NCALD: variants seen among roughly 807,000 people sequenced by gnomAD.
NCALD encodes neurocalcin-delta.
Under a neutral mutation model 18.6 loss-of-function variants are expected in NCALD, and 10 were observed. The ratio of observed to expected loss-of-function variants is 0.54; its 90% CI spans 0.33 to 0.91. The LOEUF (loss-of-function observed/expected upper bound fraction) is 0.91. NCALD is among the 40% of genes least tolerant of loss of function. The pLI, the probability that NCALD is intolerant of heterozygous loss-of-function variation, is 0.03. For synonymous variants in NCALD, 88 were observed against 87.4 expected, an observed-to-expected ratio of 1.01 and a Z score of -0.04; for missense variants, 184 against 247.6, an observed-to-expected ratio of 0.74 and a Z score of 1.72.
intron 4 of NCALD, among the ~76,000 whole-genome samples, chr8:101,834,388 G>C (rs1208994505): frequency 6.6e-6 from 1 of 152,254 alleles, no homozygotes; most frequent in South Asian, 2.1e-4. Context: ...CGTGAAGCTG[G>C]AAACATCTTT....
intron 1 of NCALD, among the ~76,000 whole-genome samples, chr8:102,094,214 T>A (rs950547325): frequency 6.6e-6 from 1 of 152,190 alleles, no homozygotes; most frequent in Non-Finnish European, 1.5e-5. Context: ...TAAATTCTAT[T>A]AAGAATACTA....
chr8:102,073,054 CA>C (rs1308279669), intron 1 of NCALD, among the ~76,000 whole-genome samples: 1 of 152,182 alleles, frequency 6.6e-6, no homozygotes, highest in African/African-American at 2.4e-5. Context: ...ATATTTTCCA[CA>C]ACTTTATTTA....
At chr8:101,743,092 G>A (rs1269183337) in intron 1 of NCALD, among the ~76,000 whole-genome samples, 2 of 152,040 alleles carry the variant, frequency 1.3e-5, no homozygotes, top group Non-Finnish European at 2.9e-5. Context: ...TTTATTCCCA[G>A]TAGATCAAAT....
At chr8:101,853,697 G>A (rs1815191032) in intron 4 of NCALD, among the ~76,000 whole-genome samples, 1 of 152,144 alleles carries the variant, frequency 6.6e-6, no homozygotes, top group African/African-American at 2.4e-5. Context: ...GAGTCCAGTG[G>A]AAAGCAATTG....
intron 1 of NCALD, among the ~76,000 whole-genome samples, chr8:102,073,359 T>A (rs1429365433): frequency 6.6e-6 from 1 of 152,276 alleles, no homozygotes; most frequent in East Asian, 1.9e-4. Flanking sequence ...TATAATTATA[T>A]AAAAGAAAGC....
intron 2 of NCALD, among the ~76,000 whole-genome samples, chr8:101,713,598 T>C (rs776912415): frequency 3.3e-5 from 5 of 152,080 alleles, no homozygotes; most frequent in Non-Finnish European, 7.4e-5. Flanking sequence ...ATAAGGGGGA[T>C]ATCCTCACTG....
chr8:102,051,654 C>T (rs910760293), intron 1 of NCALD, among the ~76,000 whole-genome samples: 4 of 152,228 alleles, frequency 2.6e-5, no homozygotes, highest in African/African-American at 9.6e-5. Context: ...AATTCAACTG[C>T]TGCTGCTTTT....
rs963356755 is a variant in NCALD, at chr8:101,905,682, G to A, written c.-107+10127C>T. ...GCAGATGTGGCCATGCCACTCCCTC[G>A]ATAAAGGAAGCTTCTGACTGGCTAC... is the stretch of plus-strand genomic sequence containing the variant. On this transcript the variant is annotated intron_variant, in intron 3 of 6. Transcript: ENST00000311028. 4.6e-5 allele frequency among the ~76,000 whole-genome samples: 7 copies of A among 152,090 alleles called. 1 individual carries two copies. The highest frequency in any genetic ancestry group is 2.1e-4 in the South Asian group (1 of 4,822).
In NCALD at chr8:101,689,190, A is replaced by T; in HGVS notation, c.*119T>A. 1 of 918,074 alleles carries T rather than the reference A, an allele frequency of 1.1e-6. No individual in the cohort carries two copies. Among genetic ancestry groups the T allele is most frequent in the South Asian group, 1.4e-5 (1 of 71,516 alleles). 56.9% of individuals were successfully genotyped at this position (918,074 alleles called of 1,614,324 possible). A position where few individuals can be genotyped will look rare whatever the true frequency, so the allele number is the denominator to read the frequency against. On this transcript the variant is annotated 3_prime_UTR_variant, in exon 4 of 4. Transcript: ENST00000220931. The surrounding 1 kb of genome is among the most constrained non-coding windows in gnomAD (Gnocchi z 4.4). ...GGCGTCACGGAGGAAGGCGCATCAGACCGCACAGGGGACGGCATCACCATT... is the reference window on the plus strand; with the variant it reads ...GGCGTCACGGAGGAAGGCGCATCAGTCCGCACAGGGGACGGCATCACCATT...
intron 4 of NCALD, among the ~76,000 whole-genome samples, chr8:101,880,787 C>T (rs188391298): frequency 2.6e-5 from 4 of 152,226 alleles, no homozygotes; most frequent in African/African-American, 9.6e-5. Context: ...GAAATCACAA[C>T]ATGAGAAGTG....
At chr8:101,859,358 G>A (rs372357686) in intron 4 of NCALD, among the ~76,000 whole-genome samples, 3 of 152,122 alleles carry the variant, frequency 2.0e-5, no homozygotes, top group African/African-American at 2.4e-5. Flanking sequence ...GACTGGTTTC[G>A]TTGCTCCTCG....
intron 1 of NCALD, among the ~76,000 whole-genome samples, chr8:101,768,519 G>C (rs1244960465): frequency 6.6e-6 from 1 of 152,140 alleles, no homozygotes; most frequent in East Asian, 1.9e-4. Context: ...GACCAGCCTG[G>C]CCAACATGGT....
At chr8:101,716,299 A>T (rs933304040) in intron 2 of NCALD, among the ~76,000 whole-genome samples, 1 of 151,938 alleles carries the variant, frequency 6.6e-6, no homozygotes, top group Non-Finnish European at 1.5e-5. Context: ...GAGGGAAGCA[A>T]CACACACCGG....
At chr8:102,057,097 T>C (rs1296363204) in intron 1 of NCALD, among the ~76,000 whole-genome samples, 2 of 152,204 alleles carry the variant, frequency 1.3e-5, no homozygotes, top group African/African-American at 4.8e-5. Context: ...TTTTGTAATC[T>C]GCCCCTGCTT....
At chr8:101,889,030 G>A (rs1006123122) in intron 3 of NCALD, among the ~76,000 whole-genome samples, 4 of 152,096 alleles carry the variant, frequency 2.6e-5, no homozygotes, top group Admixed American at 2.0e-4. Context: ...ATTTTGTTCT[G>A]GAGATGCAAA....
intron 2 of NCALD, among the ~76,000 whole-genome samples, chr8:101,936,048 G>A (rs1818751304): frequency 6.6e-6 from 1 of 152,096 alleles, no homozygotes; most frequent in African/African-American, 2.4e-5. Flanking sequence ...TTTGTAGCAG[G>A]AATCTGTGGA....
At position 102,102,819 on chromosome 8, in the gene NCALD, G is replaced by A. The variant is rs1241138280; in HGVS notation, c.-210+21418C>T. On this transcript the variant is annotated intron_variant, in intron 1 of 6. Coordinates refer to the NCALD transcript ENST00000311028. The stretch of plus-strand genomic sequence containing the variant: ...GAGAGAGAGGGGTGGGTGAGCTCTC[G>A]GTTTCCAGCTGGGCCTCCCAATTCT... Among the ~76,000 whole-genome samples the A allele has an allele frequency of 2.6e-5, 4 of 152,126 alleles. No homozygotes were observed. The East Asian group carries it at 5.8e-4, about 22-fold the overall frequency.
intron 1 of NCALD, among the ~76,000 whole-genome samples, chr8:102,115,085 T>C (rs929118084): frequency 6.6e-5 from 10 of 152,168 alleles, no homozygotes; most frequent in Admixed American, 6.5e-4. Context: ...AAATTCTTAA[T>C]TTTTTTAAAC....
intron 4 of NCALD, among the ~76,000 whole-genome samples, chr8:101,827,814 A>G (rs1351158858): frequency 2.6e-5 from 4 of 152,114 alleles, no homozygotes; most frequent in African/African-American, 9.7e-5. Flanking sequence ...TCAACCACTG[A>G]TTTTTCCTTT....
Sources: gnomAD v4.1 joint callset for allele counts (sites outside exome capture counted in the v4.1 genomes callset) on GRCh38, gnomAD v4.1.1 for gene constraint, Gnocchi (gnomAD v3.1) non-coding constraint, MANE v1.5 for transcripts, NCBI Gene and HGNC (gene_info 2026-07-23, HGNC 2026-07-21) for gene names.